RUNDC3B: variants seen among roughly 807,000 people sequenced by gnomAD.
RUNDC3B encodes RUN domain containing 3B.
RUNDC3B carries 33 observed loss-of-function variants against 58.4 expected under a neutral mutation model. The observed-to-expected ratio is 0.56, with a 90% CI of 0.43 to 0.75. The LOEUF (loss-of-function observed/expected upper bound fraction) is 0.75, where lower values mean the gene tolerates loss of function less well. Among genes scored for constraint, RUNDC3B ranks in the 30% least tolerant of loss-of-function variants. The pLI is 0.00. For synonymous variants in RUNDC3B, 193 were observed against 195.2 expected, an observed-to-expected ratio of 0.99 and a Z score of 0.10; for missense variants, 501 against 535.7, an observed-to-expected ratio of 0.94 and a Z score of 0.64.
intron 2 of RUNDC3B, among the ~76,000 whole-genome samples, chr7:87,666,987 A>C (rs1472998085): frequency 4.6e-5 from 7 of 152,044 alleles, no homozygotes; most frequent in Non-Finnish European, 1.0e-4. Context: ...ATTTTGGTTC[A>C]ATATGAATTT....
At chr7:87,822,929 C>A (rs1017727171) in intron 10 of RUNDC3B, among the ~76,000 whole-genome samples, 2 of 151,900 alleles carry the variant, frequency 1.3e-5, no homozygotes, top group African/African-American at 4.8e-5. Context: ...AGGAGATATA[C>A]CTAATGCTAA....
chr7:87,725,219 T>G (rs1831147101), intron 4 of RUNDC3B, among the ~76,000 whole-genome samples: 1 of 152,174 alleles, frequency 6.6e-6, no homozygotes, highest in Non-Finnish European at 1.5e-5. Context: ...TAGGTATATC[T>G]CCTAATGCTT....
At chr7:87,784,202 C>T (rs1396901431) in intron 8 of RUNDC3B, among the ~76,000 whole-genome samples, 1 of 152,048 alleles carries the variant, frequency 6.6e-6, no homozygotes, top group Non-Finnish European at 1.5e-5. Context: ...ATTTTGAATT[C>T]TATGTATGTC....
chr7:87,715,330 T>TATAATTAATTTATAATAATTATAG (rs1563157895), intron 4 of RUNDC3B, among the ~76,000 whole-genome samples: 1 of 121,574 alleles, frequency 8.2e-6, no homozygotes, highest in Non-Finnish European at 1.6e-5. Context: ...AATAATTATA[T>TATAATTAATTTATAATAATTATAG]ATAATTAATT....
chr7:87,785,813 T>C (rs1425803677), intron 8 of RUNDC3B, among the ~76,000 whole-genome samples: 1 of 152,168 alleles, frequency 6.6e-6, no homozygotes, highest in Admixed American at 6.5e-5. Flanking sequence ...CCTTCTGAGC[T>C]CTGCACAGGT....
intron 10 of RUNDC3B, among the ~76,000 whole-genome samples, chr7:87,824,498 G>A (rs534548155): frequency 1.4e-4 from 22 of 152,224 alleles, no homozygotes; most frequent in African/African-American, 4.3e-4. Flanking sequence ...TCTTGGGTAC[G>A]TCTTATCAGC....
At chr7:87,631,924 C>CA (rs1386503746) in intron 1 of RUNDC3B, among the ~76,000 whole-genome samples, 4 of 151,786 alleles carry the variant, frequency 2.6e-5, no homozygotes, top group South Asian at 2.1e-4. Context: ...AGCCTCCAAG[C>CA]AAAAAATGTT....
chr7:87,723,557 G>A (rs1831030636), intron 4 of RUNDC3B, among the ~76,000 whole-genome samples: 1 of 152,106 alleles, frequency 6.6e-6, no homozygotes, highest in African/African-American at 2.4e-5. Context: ...GTCACAGGTT[G>A]ACAAAGATAA....
At chr7:87,758,604 G>C (rs968969756) in intron 6 of RUNDC3B, among the ~76,000 whole-genome samples, 15 of 152,236 alleles carry the variant, frequency 9.9e-5, no homozygotes, top group Non-Finnish European at 2.2e-4. Context: ...ACCAGAATAT[G>C]TAAAGAGTTC....
intron 2 of RUNDC3B, among the ~76,000 whole-genome samples, chr7:87,673,926 A>C (rs1585064081): frequency 6.6e-6 from 1 of 152,056 alleles, no homozygotes; most frequent in Non-Finnish European, 1.5e-5. Flanking sequence ...TGATTGTGAT[A>C]TAAGGTAGGT....
chr7:87,822,690 A>G (rs946166711), intron 10 of RUNDC3B, among the ~76,000 whole-genome samples: 1 of 152,236 alleles, frequency 6.6e-6, no homozygotes, highest in Non-Finnish European at 1.5e-5. Flanking sequence ...CATATACACC[A>G]TGGAATACTA....
At chr7:87,656,474 C>T (rs930589466) in intron 2 of RUNDC3B, among the ~76,000 whole-genome samples, 1 of 151,054 alleles carries the variant, frequency 6.6e-6, no homozygotes, top group Non-Finnish European at 1.5e-5. Flanking sequence ...CCCAGGGTGA[C>T]TGAAAAAGAA....
chr7:87,668,985 TCCGAGC>T (rs1227451409), intron 2 of RUNDC3B, among the ~76,000 whole-genome samples: 1 of 152,144 alleles, frequency 6.6e-6, no homozygotes, highest in Non-Finnish European at 1.5e-5. Context: ...TAGAGGTGTA[TCCGAGC>T]CTTTTGGTTT....
At chr7:87,706,780 G>A (rs1829631975) in intron 3 of RUNDC3B, among the ~76,000 whole-genome samples, 1 of 152,190 alleles carries the variant, frequency 6.6e-6, no homozygotes, top group African/African-American at 2.4e-5. Flanking sequence ...AGACAAATGT[G>A]CCTGGAGTTG....
chr7:87,641,691 C>T (rs944305001), intron 1 of RUNDC3B, among the ~76,000 whole-genome samples: 9 of 152,102 alleles, frequency 5.9e-5, no homozygotes, highest in Non-Finnish European at 1.3e-4. Flanking sequence ...ACAAATCCTC[C>T]AAAATACATA....
intron 2 of RUNDC3B, among the ~76,000 whole-genome samples, chr7:87,655,781 A>C (rs756212140): frequency 6.6e-6 from 1 of 152,224 alleles, no homozygotes; most frequent in African/African-American, 2.4e-5. Flanking sequence ...CATATGCTGG[A>C]AACTTAACCC....
intron 2 of RUNDC3B, among the ~76,000 whole-genome samples, chr7:87,684,466 A>C (rs1827240270): frequency 6.6e-6 from 1 of 152,130 alleles, no homozygotes; most frequent in South Asian, 2.1e-4. Context: ...TTATTGGTAA[A>C]AGCTTATACG....
chr7:87,736,873 ATATATATATATATATATTTT>A (rs1396438210), intron 4 of RUNDC3B, among the ~76,000 whole-genome samples: 48 of 37,584 alleles, frequency 1.3e-3, no homozygotes, highest in Admixed American at 3.8e-3. Context: ...ATATATATAT[ATATATATATATATATATTTT>A]TTTTTTTTTT....
At chr7:87,761,757 T>C (rs1423280560) in intron 6 of RUNDC3B, among the ~76,000 whole-genome samples, 2 of 151,788 alleles carry the variant, frequency 1.3e-5, no homozygotes, top group Non-Finnish European at 3.0e-5. Flanking sequence ...AAAGTACACT[T>C]TGTGTTTTTG....
Sources: gnomAD v4.1 joint callset for allele counts (sites outside exome capture counted in the v4.1 genomes callset) on GRCh38, gnomAD v4.1.1 for gene constraint, MANE v1.5 for transcripts, NCBI Gene and HGNC (gene_info 2026-07-23, HGNC 2026-07-21) for gene names.